Variants in MAPKAP1 observed in about 807,000 individuals in gnomAD.
MAPKAP1 encodes the protein target of rapamycin complex 2 subunit MAPKAP1.
In MAPKAP1, 20 loss-of-function variants were observed where a neutral mutation model predicts 65.7. The observed-to-expected ratio is 0.30, with a 90% CI of 0.21 to 0.44. MAPKAP1 has a LOEUF of 0.44. Among genes scored for constraint, MAPKAP1 ranks in the 20% least tolerant of loss-of-function variants. The probability of loss-of-function intolerance (pLI) is 1.00; values close to 1 mark genes in which losing one functional copy is unlikely to be tolerated. For synonymous variants in MAPKAP1, 222 were observed against 244.3 expected (o/e 0.91, Z 0.85); for missense variants, 423 against 648.0 (o/e 0.65, Z 3.77).
chr9:125,679,079 G>A (rs751981023), intron 1 of MAPKAP1, among the ~76,000 whole-genome samples: 37 of 151,470 alleles, frequency 2.4e-4, no homozygotes, highest in Non-Finnish European at 4.3e-4. Context: ...CTGGCTAACT[G>A]CAACTTCTGA....
chr9:125,537,522 C>T (rs183827658), intron 7 of MAPKAP1, among the ~76,000 whole-genome samples: 11 of 152,316 alleles, frequency 7.2e-5, no homozygotes, highest in Middle Eastern at 3.4e-3. Context: ...TGCTCTGTCA[C>T]CCAGGCTGAA....
chr9:125,581,597 T>A (rs183161413), intron 5 of MAPKAP1, among the ~76,000 whole-genome samples: 2 of 152,224 alleles, frequency 1.3e-5, no homozygotes, highest in African/African-American at 4.8e-5. Context: ...TAGTCAGATA[T>A]GTGGTTTACA....
intron 6 of MAPKAP1, among the ~76,000 whole-genome samples, chr9:125,545,052 T>G (rs1359540395): frequency 6.6e-6 from 1 of 152,240 alleles, no homozygotes; most frequent in Non-Finnish European, 1.5e-5. Flanking sequence ...CATCATCCAT[T>G]TTAACTTGGT....
At chr9:125,567,341 G>C (rs879470888) in intron 5 of MAPKAP1, among the ~76,000 whole-genome samples, 1 of 152,158 alleles carries the variant, frequency 6.6e-6, no homozygotes, top group Non-Finnish European at 1.5e-5. Context: ...AGACATTGCT[G>C]ATAAAAGGTT....
At chr9:125,610,406 C>CACAA (rs1428598995) in intron 4 of MAPKAP1, among the ~76,000 whole-genome samples, 1 of 152,038 alleles carries the variant, frequency 6.6e-6, no homozygotes, top group Non-Finnish European at 1.5e-5. Flanking sequence ...ATCACAAAAG[C>CACAA]ACAAAGACTA....
At chr9:125,640,305 G>A (rs1833540278) in intron 4 of MAPKAP1, among the ~76,000 whole-genome samples, 2 of 151,680 alleles carry the variant, frequency 1.3e-5, no homozygotes, top group South Asian at 2.1e-4. Context: ...GGGTTTCATC[G>A]TGTTAGCCAG....
chr9:125,581,337 A>G (rs1363438147), intron 5 of MAPKAP1, among the ~76,000 whole-genome samples: 1 of 152,250 alleles, frequency 6.6e-6, no homozygotes, highest in Non-Finnish European at 1.5e-5. Flanking sequence ...TGTATGATAC[A>G]GTTTCTCTAC....
chr9:125,493,810 C>T (rs1367921071), intron 8 of MAPKAP1, among the ~76,000 whole-genome samples: 1 of 152,188 alleles, frequency 6.6e-6, no homozygotes, highest in Non-Finnish European at 1.5e-5. Context: ...TGGATATTAT[C>T]CTCTTTTTAC....
At chr9:125,645,533 T>C (rs187817302) in intron 4 of MAPKAP1, among the ~76,000 whole-genome samples, 2 of 152,204 alleles carry the variant, frequency 1.3e-5, no homozygotes, top group African/African-American at 4.8e-5. Context: ...GCTCAGGAGT[T>C]CAAGACCAGC....
rs1200020707 is a variant in MAPKAP1 at position 125,439,520 on chromosome 9, C to A, written c.1444-508G>T. On this transcript the variant is annotated intron_variant, in intron 11 of 11. Transcript: ENST00000265960. The surrounding 1 kb of genome is among the most constrained non-coding windows in gnomAD (Gnocchi z 4.0). The stretch of plus-strand genomic sequence containing the variant: ...GTGCTTCCTTCAGGGCTCATGAGTG[C>A]CCAGCCAGGCAGGGCTCACTTGACA... Among the ~76,000 whole-genome samples the A allele has an allele frequency of 6.6e-6, 1 of 152,210 alleles. No homozygotes were observed. The highest frequency in any genetic ancestry group is 1.5e-5 in the Non-Finnish European group (1 of 68,012).
chr9:125,613,076 T>C lies in MAPKAP1; in HGVS notation c.499-27349A>G, dbSNP rs78922905. Among the ~76,000 whole-genome samples the C allele has an allele frequency of 4.1e-3, 631 of 152,280 alleles. 6 individuals are homozygous for C. Among genetic ancestry groups the C allele is most frequent in the African/African-American group, 0.015 (605 of 41,556 alleles). ...CTAACCAAGGTTGACAGGACTAGAA[T>C]AAATACTTGAAGAGACAGATGAGTG... is the stretch of plus-strand genomic sequence containing the variant. On this transcript the variant is annotated intron_variant, in intron 4 of 11. Coordinates refer to ENST00000265960, the MANE Select transcript of MAPKAP1 (RefSeq NM_001006617.3).
intron 7 of MAPKAP1, among the ~76,000 whole-genome samples, chr9:125,533,820 T>C (rs1356111320): frequency 6.6e-6 from 1 of 152,176 alleles, no homozygotes; most frequent in Non-Finnish European, 1.5e-5. Flanking sequence ...GCAATCCATA[T>C]TTAAAATCTA....
At chr9:125,533,863 A>G (rs1419991233) in intron 7 of MAPKAP1, among the ~76,000 whole-genome samples, 1 of 152,242 alleles carries the variant, frequency 6.6e-6, no homozygotes, top group East Asian at 1.9e-4. Context: ...AAATATTCAA[A>G]CAAGATTGTT....
chr9:125,531,113 C>T (rs899735830), intron 7 of MAPKAP1, among the ~76,000 whole-genome samples: 1 of 152,222 alleles, frequency 6.6e-6, no homozygotes, highest in African/African-American at 2.4e-5. Flanking sequence ...CATGCTGTTT[C>T]CACTGAGTCT....
At chr9:125,514,726 G>T (rs1829410119) in intron 7 of MAPKAP1, among the ~76,000 whole-genome samples, 1 of 152,164 alleles carries the variant, frequency 6.6e-6, no homozygotes, top group African/African-American at 2.4e-5. Flanking sequence ...GACACAATCA[G>T]CTTTATATTT....
intron 9 of MAPKAP1, among the ~76,000 whole-genome samples, chr9:125,474,741 T>TA (rs1854042134): frequency 6.6e-6 from 1 of 152,234 alleles, no homozygotes; most frequent in South Asian, 2.1e-4. Flanking sequence ...ATTCATGTCT[T>TA]AGTGTATTTC....
intron 4 of MAPKAP1, among the ~76,000 whole-genome samples, chr9:125,614,030 C>T (rs889640646): frequency 6.6e-6 from 1 of 152,088 alleles, no homozygotes; most frequent in African/African-American, 2.4e-5. Context: ...GATCTCCTGA[C>T]CTCGTGATCC....
intron 9 of MAPKAP1, among the ~76,000 whole-genome samples, chr9:125,482,689 G>A (rs1052010459): frequency 2.0e-5 from 3 of 152,026 alleles, no homozygotes; most frequent in African/African-American, 4.8e-5. Flanking sequence ...TGTTGATAAG[G>A]GAAAAAATGA....
intron 10 of MAPKAP1, among the ~76,000 whole-genome samples, chr9:125,452,433 C>T (rs1019649869): frequency 6.6e-6 from 1 of 152,020 alleles, no homozygotes; most frequent in African/African-American, 2.4e-5. Flanking sequence ...CATCTGGACC[C>T]CCTACTTAAA....
Sources: gnomAD v4.1 joint callset for allele counts (sites outside exome capture counted in the v4.1 genomes callset) on GRCh38, gnomAD v4.1.1 for gene constraint, Gnocchi (gnomAD v3.1) non-coding constraint, MANE v1.5 for transcripts, NCBI Gene and HGNC (gene_info 2026-07-23, HGNC 2026-07-21) for gene names.